The following SH3TC2 variants were observed in gnomAD, a reference collection of about 807,000 sequenced individuals.
SH3TC2 encodes SH3 domain and tetratricopeptide repeat-containing protein 2.
Under a neutral mutation model 124.5 loss-of-function variants are expected in SH3TC2, and 87 were observed. That is an observed-to-expected ratio of 0.70 (90% CI 0.59 to 0.84). The LOEUF (loss-of-function observed/expected upper bound fraction) is 0.84, where lower values mean the gene tolerates loss of function less well. SH3TC2 is among the 40% of genes least tolerant of loss of function. The probability of loss-of-function intolerance (pLI) is 0.00; values close to 1 mark genes in which losing one functional copy is unlikely to be tolerated. For synonymous variants in SH3TC2, 634 were observed against 628.5 expected, an observed-to-expected ratio of 1.01 and a Z score of -0.13; for missense variants, 1,536 against 1,566.4, an observed-to-expected ratio of 0.98 and a Z score of 0.33.
At chr5:149,030,462 G>C (rs1280725382) in intron 9 of SH3TC2, among the ~76,000 whole-genome samples, 2 of 152,208 alleles carry the variant, frequency 1.3e-5, no homozygotes. Context: ...CATGATCCAA[G>C]TCTGTGCCCA....
In SH3TC2 at chr5:148,992,915, T is replaced by C. The variant is rs192468672; in HGVS notation, c.*11796A>G. ...AAATCATCATGCTTCACATATATCA[T>C]TGACTTTAACTTTGGTCCTCTGTAT... is the stretch of plus-strand genomic sequence containing the variant. On this transcript the variant is annotated 3_prime_UTR_variant, in exon 17 of 17. Coordinates refer to ENST00000515425, the MANE Select transcript of SH3TC2 (RefSeq NM_024577.4). 1.3e-5 allele frequency among the ~76,000 whole-genome samples: 2 copies of C among 152,336 alleles called. No homozygotes were observed. Among genetic ancestry groups the C allele is most frequent in the East Asian group, 3.9e-4 (2 of 5,190 alleles).
chr5:149,003,909 C>A lies in SH3TC2; in HGVS notation c.*802G>T. ...TATTCTCTCCCATCCATCAAGTCCTCCATCTCATCTGCCCCCATTGTGGAT... is the reference window on the plus strand; with the variant it reads ...TATTCTCTCCCATCCATCAAGTCCTACATCTCATCTGCCCCCATTGTGGAT... On this transcript the variant is annotated 3_prime_UTR_variant, in exon 17 of 17. Coordinates refer to ENST00000515425, the MANE Select transcript of SH3TC2 (RefSeq NM_024577.4). The A allele has an allele frequency of 3.0e-6, 1 of 331,378 alleles. No homozygotes were observed. The highest frequency in any genetic ancestry group is 6.1e-6 in the Non-Finnish European group (1 of 164,670). 20.5% of individuals were successfully genotyped at this position (331,378 alleles called of 1,614,324 possible). A position where few individuals can be genotyped will look rare whatever the true frequency, so the allele number is the denominator to read the frequency against.
chr5:149,009,627 T>C (rs1753751278), intron 14 of SH3TC2, among the ~76,000 whole-genome samples: 1 of 152,110 alleles, frequency 6.6e-6, no homozygotes, highest in South Asian at 2.1e-4. Flanking sequence ...ATGAATAAAA[T>C]TTTACGATCA....
At position 149,027,770 on chromosome 5, in the gene SH3TC2, G is replaced by A. The variant is rs749584043; in HGVS notation, c.1962C>T (p.Pro654=). The A allele has an allele frequency of 6.2e-7, 1 of 1,614,008 alleles. No individual in the cohort carries two copies. The highest frequency in any genetic ancestry group is 1.1e-5 in the South Asian group (1 of 91,082). ...LSLGRHEEVL[P]FAERLQLLSG... ...AGAGGAGCTGCAGGCGCTCGGCAAA[G>A]GGCAGGACCTCCTCGTGCCGGCCTA... Residue 654 remains proline, a synonymous_variant, in exon 11 of 17, where the codon CCC becomes CCT. Coordinates refer to ENST00000515425, the MANE Select transcript of SH3TC2 (RefSeq NM_024577.4).
At chr5:149,047,316 C>A (rs373131031) in intron 3 of SH3TC2, 1 of 158,218 alleles carries the variant, frequency 6.3e-6, no homozygotes, top group Non-Finnish European at 1.4e-5. Flanking sequence ...ATATACTTAG[C>A]GGTTACCAGG....
At chr5:149,047,448 C>T (rs1754482938) in intron 3 of SH3TC2, 1 of 251,630 alleles carries the variant, frequency 4.0e-6, no homozygotes, top group Admixed American at 5.0e-5. Flanking sequence ...GAGAATCATA[C>T]ACTTAAAAAA....
rs1753653433 is a variant in SH3TC2, at chr5:149,004,658, C to A, written c.*53G>T. On this transcript the variant is annotated 3_prime_UTR_variant, in exon 17 of 17. Coordinates refer to ENST00000515425, the MANE Select transcript of SH3TC2 (RefSeq NM_024577.4). ...CCAATGAGTATTTAAGAGCCTAGGG[C>A]AGTGGGGTCAGAGTCTGGCCATGCC... The A allele has an allele frequency of 1.3e-6, 2 of 1,593,098 alleles. No individual in the cohort carries two copies. Among genetic ancestry groups the A allele is most frequent in the Non-Finnish European group, 1.7e-6 (2 of 1,166,132 alleles).
At chr5:149,019,146 T>G (rs1043143944) in intron 12 of SH3TC2, among the ~76,000 whole-genome samples, 1 of 152,186 alleles carries the variant, frequency 6.6e-6, no homozygotes, top group African/African-American at 2.4e-5. Context: ...ATACATGTGT[T>G]TATGTTCTTT....
At chr5:149,010,190 G>A in intron 14 of SH3TC2, 80 bp downstream of exon 14, 1 of 1,590,282 alleles carries the variant, frequency 6.3e-7, no homozygotes, top group Non-Finnish European at 8.6e-7. Context: ...GGAGAAGAGG[G>A]ACTCAGGCCG....
At chr5:149,018,215 G>C (rs190284037) in intron 12 of SH3TC2, among the ~76,000 whole-genome samples, 1 of 152,188 alleles carries the variant, frequency 6.6e-6, no homozygotes, top group East Asian at 1.9e-4. Flanking sequence ...GCTCACTGAA[G>C]GCTATTATGG....
chr5:149,009,488 C>T (rs1254717400), intron 14 of SH3TC2, among the ~76,000 whole-genome samples: 1 of 152,156 alleles, frequency 6.6e-6, no homozygotes, highest in Non-Finnish European at 1.5e-5. Flanking sequence ...TGAAAATAAG[C>T]CCCTCAACAG....
At chr5:149,041,380 C>A in intron 6 of SH3TC2, 36 bp downstream of exon 6, 3 of 1,608,082 alleles carry the variant, frequency 1.9e-6, no homozygotes, top group South Asian at 2.2e-5. Context: ...TCAGTCTGCT[C>A]TGGGACTTGC....
chr5:149,011,893 C>A (rs1008651616), intron 13 of SH3TC2, among the ~76,000 whole-genome samples: 1 of 152,168 alleles, frequency 6.6e-6, no homozygotes, highest in African/African-American at 2.4e-5. Context: ...ATGTATTAAA[C>A]ATTTACTAAG....
intron 1 of SH3TC2, 36 bp from the exon 2 acceptor site, chr5:149,052,276 G>T: frequency 6.6e-7 from 1 of 1,526,350 alleles, no homozygotes; most frequent in Non-Finnish European, 9.1e-7. Context: ...TCTTAAGAGT[G>T]TAAGGAAGTT....
rs1373423223 is a variant in SH3TC2 at position 148,988,532 on chromosome 5, T to G, written c.*16179A>C. ...TGCACTCTCTTGGAACCAGCCACCA[T>G]GCTGTAAGACGGCCAAGCCACATGG... On this transcript the variant is annotated 3_prime_UTR_variant, in exon 17 of 17. Transcript: ENST00000515425. 6.6e-6 allele frequency among the ~76,000 whole-genome samples: 1 copy of G among 152,228 alleles called. No homozygotes were observed. Among genetic ancestry groups the G allele is most frequent in the Non-Finnish European group, 1.5e-5 (1 of 68,036 alleles).
chr5:149,059,287 C>A (rs1038717711), intron 1 of SH3TC2, among the ~76,000 whole-genome samples: 5 of 152,012 alleles, frequency 3.3e-5, no homozygotes, highest in African/African-American at 9.7e-5. Context: ...AGGGACCTTG[C>A]CATTTTCTCT....
rs1173370953 is a variant in SH3TC2 at position 148,989,922 on chromosome 5, T to C, written c.*14789A>G. ...GAGATACATAACAGAAAAGAATGAG[T>C]TCTTGGGGTGTGGGGATACACAAGT... On this transcript the variant is annotated 3_prime_UTR_variant, in exon 17 of 17. Coordinates refer to ENST00000515425, the MANE Select transcript of SH3TC2 (RefSeq NM_024577.4). Among the ~76,000 whole-genome samples the C allele has an allele frequency of 9.2e-5, 14 of 151,964 alleles. No individual in the cohort carries two copies. The highest frequency in any genetic ancestry group is 9.2e-4 in the Admixed American group (14 of 15,250).
intron 12 of SH3TC2, chr5:149,026,153 C>T (rs1754059355): frequency 5.4e-6 from 1 of 185,026 alleles, no homozygotes; most frequent in South Asian, 1.2e-4. Flanking sequence ...TTCTTCTGTC[C>T]TTGGTATAAC....
Position 149,049,662 on chromosome 5 carries a change from G to C in SH3TC2, c.152-1673C>G, listed in dbSNP as rs1343742929. On this transcript the variant is annotated intron_variant, in intron 2 of 16. Transcript: ENST00000515425. ...GGCCTGGGCATGGTGGTGCATGCCT[G>C]TAGCCCAGTTACTCAGAGGCTGAGA... 2.6e-5 allele frequency among the ~76,000 whole-genome samples: 4 copies of C among 152,140 alleles called. No homozygotes were observed. In the East Asian group the frequency reaches 7.8e-4, roughly 29 times the overall value.
Sources: allele counts gnomAD v4.1 joint callset (sites outside exome capture counted in the v4.1 genomes callset), GRCh38; gene constraint gnomAD v4.1.1; transcripts MANE v1.5; gene names NCBI Gene and HGNC (gene_info 2026-07-23, HGNC 2026-07-21).